Variants in SETD7 observed in about 807,000 individuals in gnomAD.
SETD7 encodes the protein SET domain containing 7, histone lysine methyltransferase, also known as histone-lysine N-methyltransferase SETD7.
In SETD7, 16 loss-of-function variants were observed where a neutral mutation model predicts 41.8. The observed-to-expected ratio is 0.38, with a 90% CI of 0.26 to 0.58. SETD7 has a LOEUF of 0.58. SETD7 is among the 20% of genes least tolerant of loss of function. The pLI is 0.64. For synonymous variants in SETD7, 163 were observed against 169.7 expected (o/e 0.96, Z 0.31); for missense variants, 346 against 459.7 (o/e 0.75, Z 2.26).
chr4:139,518,069 A>G (rs1560678693), intron 6 of SETD7, 27 bp from the exon 7 acceptor site: 1 of 1,601,650 alleles, frequency 6.2e-7, no homozygotes, highest in East Asian at 2.2e-5. Flanking sequence ...AGCGAGCCTT[A>G]GAGAGGACCT....
intron 1 of SETD7, among the ~76,000 whole-genome samples, chr4:139,554,190 G>T (rs1398615043): frequency 6.6e-6 from 1 of 152,074 alleles, no homozygotes; most frequent in Non-Finnish European, 1.5e-5. Flanking sequence ...TTCTGATTTT[G>T]GACAATAATG....
intron 7 of SETD7, among the ~76,000 whole-genome samples, 168 bp downstream of exon 7, chr4:139,517,717 G>A (rs1727066206): frequency 6.6e-6 from 1 of 152,182 alleles, no homozygotes; most frequent in Non-Finnish European, 1.5e-5. Context: ...GAGTGAGGCT[G>A]TTTAGATTTT....
At chr4:139,547,736 T>G (rs939189845) in intron 1 of SETD7, among the ~76,000 whole-genome samples, 1 of 152,214 alleles carries the variant, frequency 6.6e-6, no homozygotes, top group Non-Finnish European at 1.5e-5. Context: ...ACCTTAAACC[T>G]ACTGGTTTAC....
downstream of SETD7, among the ~76,000 whole-genome samples, chr4:139,504,292 T>C (rs1234791557): frequency 6.6e-6 from 1 of 152,224 alleles, no homozygotes; most frequent in East Asian, 1.9e-4. Flanking sequence ...CCCTGGCTTT[T>C]GGTTTTTGTA....
chr4:139,498,031 G>A (rs1162631193), intron 7 of SETD7, among the ~76,000 whole-genome samples: 8 of 152,166 alleles, frequency 5.3e-5, no homozygotes, highest in Admixed American at 2.6e-4. Context: ...GGAGATTTAC[G>A]GTAAGACCAT....
intron 2 of SETD7, among the ~76,000 whole-genome samples, chr4:139,537,527 T>C (rs1293481685): frequency 1.3e-5 from 2 of 152,236 alleles, no homozygotes; most frequent in Non-Finnish European, 2.9e-5. Context: ...CCATGCACAT[T>C]ATTCATCAGA....
chr4:139,539,537 A>G (rs1727729004), intron 2 of SETD7, among the ~76,000 whole-genome samples: 1 of 152,220 alleles, frequency 6.6e-6, no homozygotes. Context: ...TCTATCCTTT[A>G]AGAAAAGATC....
chr4:139,496,453 T>C, exon 8 of SETD7: 1 of 702,474 alleles, frequency 1.4e-6, no homozygotes, highest in African/African-American at 1.7e-5. Flanking sequence ...TTGATCCAGA[T>C]GTGGGATCTT....
chr4:139,525,284 A>G (rs1195818460), intron 4 of SETD7, among the ~76,000 whole-genome samples: 1 of 152,072 alleles, frequency 6.6e-6, no homozygotes, highest in Non-Finnish European at 1.5e-5. Context: ...ATAAGGATTA[A>G]CTTCTGTTGC....
chr4:139,537,163 C>T (rs138786726), intron 2 of SETD7, among the ~76,000 whole-genome samples: 293 of 152,020 alleles, frequency 1.9e-3, no homozygotes, highest in African/African-American at 4.3e-3. Flanking sequence ...TTAGTAGAGA[C>T]GGGGTTTCTT....
At chr4:139,501,127 AC>A (rs1726567082), downstream of SETD7, among the ~76,000 whole-genome samples, 1 of 152,002 alleles carries the variant, frequency 6.6e-6, no homozygotes, top group Admixed American at 6.6e-5. Flanking sequence ...CATACCACTT[AC>A]CCAGGCACAT....
At chr4:139,548,351 C>G (rs1169001682) in intron 1 of SETD7, among the ~76,000 whole-genome samples, 1 of 152,176 alleles carries the variant, frequency 6.6e-6, no homozygotes, top group East Asian at 1.9e-4. Flanking sequence ...AAATATGCGG[C>G]CGGGCATGGT....
chr4:139,507,371 C>G lies in SETD7; in HGVS notation c.*4292G>C, dbSNP rs1018782612. 3.9e-5 allele frequency: 6 copies of G among 152,558 alleles called. No individual in the cohort carries two copies. Among genetic ancestry groups the G allele is most frequent in the African/African-American group, 1.4e-4 (6 of 41,458 alleles). The allele number at this position is 152,558 out of a possible 1,614,324, so 9.5% of individuals were successfully genotyped here. A position where few individuals can be genotyped will look rare whatever the true frequency, so the allele number is the denominator to read the frequency against. On this transcript the variant is annotated 3_prime_UTR_variant, in exon 8 of 8. Coordinates refer to ENST00000274031, the MANE Select transcript of SETD7 (RefSeq NM_030648.4). ...GGCACTGGGGAAGCCTACGAGCTCTCTCCACGTCAGGTGCAACAACGCCGA... is the reference window on the plus strand; with the variant it reads ...GGCACTGGGGAAGCCTACGAGCTCTGTCCACGTCAGGTGCAACAACGCCGA...
chr4:139,518,409 G>A (rs763375247), intron 6 of SETD7, among the ~76,000 whole-genome samples: 66 of 152,284 alleles, frequency 4.3e-4, no homozygotes, highest in Non-Finnish European at 7.9e-4. Context: ...GATTACAGGT[G>A]TAAGCCACCA....
Position 139,531,908 on chromosome 4 carries a change from CAT to C in SETD7, c.372+1255_372+1256del, listed in dbSNP as rs570609220. 4.8e-3 allele frequency among the ~76,000 whole-genome samples: 729 copies of C among 152,180 alleles called. 3 individuals are homozygous for C. The highest frequency in any genetic ancestry group is 6.2e-3 in the South Asian group (30 of 4,814). ...GAGTTTGAGACCAGTGCCTGGTCAACATGGTGAAACCCCATTTTACTAAAAAT... is the reference window on the plus strand; with the variant it reads ...GAGTTTGAGACCAGTGCCTGGTCAACGGTGAAACCCCATTTTACTAAAAAT... On this transcript the variant is annotated intron_variant, in intron 3 of 7. Transcript: ENST00000274031.
At position 139,506,929 on chromosome 4, in the gene SETD7, TA is replaced by T. The variant is rs1726719463; in HGVS notation, c.*4733del. ...GTTGGAAGTTTGGTGCTTGGGTGCA[TA>T]GTCTTCCAGAGCTGAGACAGGAAAT... On this transcript the variant is annotated 3_prime_UTR_variant, in exon 8 of 8. Transcript: ENST00000274031. 6.6e-6 allele frequency: 1 copy of T among 152,616 alleles called. No individual in the cohort carries two copies. The highest frequency in any genetic ancestry group is 2.4e-5 in the African/African-American group (1 of 41,432). 9.5% of individuals were successfully genotyped at this position (152,616 alleles called of 1,614,324 possible). A position where few individuals can be genotyped will look rare whatever the true frequency, so the allele number is the denominator to read the frequency against.
At chr4:139,502,195 A>G (rs2111110049), downstream of SETD7, among the ~76,000 whole-genome samples, 1 of 152,330 alleles carries the variant, frequency 6.6e-6, no homozygotes, top group South Asian at 2.1e-4. Flanking sequence ...AGTGTATCAA[A>G]TGTTAAGGAT....
chr4:139,525,016 C>T (rs904678343), intron 4 of SETD7, among the ~76,000 whole-genome samples: 1 of 152,118 alleles, frequency 6.6e-6, no homozygotes, highest in Non-Finnish European at 1.5e-5. Flanking sequence ...GGGGTTTCGC[C>T]CTGTTGGCCA....
chr4:139,523,645 T>C (rs1425320639), intron 4 of SETD7, among the ~76,000 whole-genome samples: 1 of 152,272 alleles, frequency 6.6e-6, no homozygotes, highest in African/African-American at 2.4e-5. Flanking sequence ...AGCCATCAGA[T>C]GCATCTCTTA....
Sources: allele counts gnomAD v4.1 joint callset (sites outside exome capture counted in the v4.1 genomes callset), GRCh38; gene constraint gnomAD v4.1.1; transcripts MANE v1.5; gene names NCBI Gene and HGNC (gene_info 2026-07-23, HGNC 2026-07-21).